The following PIK3CA variants were observed in gnomAD, a reference collection of about 807,000 sequenced individuals.
PIK3CA encodes the protein phosphatidylinositol-4,5-bisphosphate 3-kinase catalytic subunit alpha.
PIK3CA carries 27 observed loss-of-function variants against 138.2 expected under a neutral mutation model. The ratio of observed to expected loss-of-function variants is 0.20; its 90% confidence interval spans 0.14 to 0.27. The LOEUF is 0.27. Ranked by LOEUF, PIK3CA falls within the 10% of genes least tolerant of loss-of-function variation. The pLI is 1.00. For synonymous variants in PIK3CA, 358 were observed against 413.2 expected (o/e 0.87, Z 1.62); for missense variants, 544 against 1,277.4 (o/e 0.43, Z 8.75).
At chr3:179,214,371 T>C (rs774840992) in intron 9 of PIK3CA, among the ~76,000 whole-genome samples, 2 of 152,102 alleles carry the variant, frequency 1.3e-5, no homozygotes, top group Non-Finnish European at 2.9e-5. Context: ...CTAATTTCAA[T>C]ATTGTTGTGT....
At position 179,170,435 on chromosome 3, in the gene PIK3CA, A is replaced by G. The variant is rs182601399; in HGVS notation, c.-77+21832A>G. On this transcript the variant is annotated intron_variant, in intron 1 of 20. Transcript: ENST00000263967. ...GATATAGAAATACGTTTGTTCATAT[A>G]TGCTTTTTAACACAGATTTTTAATT... is the stretch of plus-strand genomic sequence containing the variant. 2.2e-4 allele frequency among the ~76,000 whole-genome samples: 34 copies of G among 152,346 alleles called. No homozygotes were observed. The East Asian group carries it at 4.6e-3, about 21-fold the overall frequency.
chr3:179,189,269 G>A (rs996674421), intron 1 of PIK3CA, among the ~76,000 whole-genome samples: 11 of 151,976 alleles, frequency 7.2e-5, no homozygotes, highest in African/African-American at 2.4e-4. Context: ...TCATTTTCAC[G>A]ATTAAATTCA....
intron 1 of PIK3CA, among the ~76,000 whole-genome samples, chr3:179,175,384 T>G (rs947768397): frequency 6.6e-6 from 1 of 152,222 alleles, no homozygotes; most frequent in Admixed American, 6.5e-5. Context: ...TTTTATTTAT[T>G]CTTTTTTCTC....
At position 179,221,248 on chromosome 3, in the gene PIK3CA, TGGAATCAAGCA is replaced by T; in HGVS notation, c.2187+93_2187+103del. 5.0e-6 allele frequency: 4 copies of T among 803,610 alleles called. No homozygotes were observed. The South Asian group carries it at 7.4e-5, about 15-fold the overall frequency. The allele number at this position is 803,610 out of a possible 1,614,324, so 49.8% of individuals were successfully genotyped here. ...CAGTGTATATACAGATCATGGTCCT[TGGAATCAAGCA>T]GATTAGGATTTGGAACCAAGTTCCA... is the stretch of plus-strand genomic sequence containing the variant. On this transcript the variant is annotated intron_variant, in intron 14 of 20. Coordinates refer to ENST00000263967, the MANE Select transcript of PIK3CA (RefSeq NM_006218.4).
intron 9 of PIK3CA, 37 bp downstream of exon 9, chr3:179,210,602 T>C (rs2108401883): frequency 1.3e-6 from 2 of 1,597,250 alleles, no homozygotes; most frequent in Admixed American, 1.7e-5. Context: ...GTATCAATTA[T>C]AATCTGTGGA....
At chr3:179,221,937 G>T (rs1421707992) in intron 14 of PIK3CA, among the ~76,000 whole-genome samples, 1 of 151,492 alleles carries the variant, frequency 6.6e-6, no homozygotes, top group Non-Finnish European at 1.5e-5. Context: ...CCAATTCCTG[G>T]GCTCAAGCAG....
intron 1 of PIK3CA, among the ~76,000 whole-genome samples, chr3:179,173,140 A>G (rs763809399): frequency 6.6e-6 from 1 of 151,960 alleles, no homozygotes; most frequent in Non-Finnish European, 1.5e-5. Flanking sequence ...TTTGCTTTGT[A>G]TATTATATGT....
chr3:179,193,167 A>G lies in PIK3CA; in HGVS notation c.-76-5583A>G, dbSNP rs114780660. ...GTTCAGGCCTTCTGAGAACCAAAAG[A>G]TTTTTAAGTACTTCCTTCCTAAATA... On this transcript the variant is annotated intron_variant, in intron 1 of 20. Coordinates refer to ENST00000263967, the MANE Select transcript of PIK3CA (RefSeq NM_006218.4). Among the ~76,000 whole-genome samples, 412 of 152,332 alleles carry G rather than the reference A, an allele frequency of 2.7e-3. 1 individual carries two copies. The highest frequency in any genetic ancestry group is 9.5e-3 in the African/African-American group (397 of 41,580).
intron 9 of PIK3CA, among the ~76,000 whole-genome samples, chr3:179,214,877 T>A (rs1183624785): frequency 6.6e-6 from 1 of 152,172 alleles, no homozygotes; most frequent in African/African-American, 2.4e-5. Flanking sequence ...TTGATCTAGT[T>A]GTCTAATCTT....
At chr3:179,194,992 GACAT>G (rs1724228706) in intron 1 of PIK3CA, among the ~76,000 whole-genome samples, 1 of 139,024 alleles carries the variant, frequency 7.2e-6, no homozygotes, top group East Asian at 2.1e-4. Context: ...CCTAGAGCCT[GACAT>G]TAAGCAGGTA....
intron 1 of PIK3CA, among the ~76,000 whole-genome samples, chr3:179,177,599 C>T (rs370232136): frequency 2.0e-5 from 3 of 152,068 alleles, no homozygotes; most frequent in African/African-American, 7.2e-5. Context: ...AGGCATGAGC[C>T]ACCACGCCCA....
chr3:179,207,142 AAGAT>A (rs1405788779), intron 6 of PIK3CA, among the ~76,000 whole-genome samples: 5 of 152,178 alleles, frequency 3.3e-5, no homozygotes, highest in African/African-American at 9.7e-5. Context: ...AGTTATTAAA[AAGAT>A]AGAAAAGTAG....
chr3:179,148,171 G>GT (rs1306972199), upstream of PIK3CA: 7 of 123,630 alleles, frequency 5.7e-5, no homozygotes, highest in African/African-American at 2.7e-4. Flanking sequence ...TGCCGGAGGA[G>GT]GGGGGGGGCC....
At chr3:179,212,044 G>T (rs946706416) in intron 9 of PIK3CA, among the ~76,000 whole-genome samples, 1 of 152,008 alleles carries the variant, frequency 6.6e-6, no homozygotes, top group South Asian at 2.1e-4. Context: ...TTTTGCTCTT[G>T]TTGCTCAGGC....
chr3:179,213,989 C>T (rs994250803), intron 9 of PIK3CA, among the ~76,000 whole-genome samples: 1 of 152,186 alleles, frequency 6.6e-6, no homozygotes, highest in Non-Finnish European at 1.5e-5. Flanking sequence ...GAAGCATCTT[C>T]GTCTCTCTCA....
intron 7 of PIK3CA, among the ~76,000 whole-genome samples, 196 bp from the exon 8 acceptor site, chr3:179,209,989 AT>A (rs959872239): frequency 2.4e-4 from 36 of 152,202 alleles, no homozygotes; most frequent in African/African-American, 8.2e-4. Flanking sequence ...CATATTTTCT[AT>A]TTATAATTAA....
chr3:179,159,360 A>G (rs997297378), intron 1 of PIK3CA, among the ~76,000 whole-genome samples: 1 of 152,232 alleles, frequency 6.6e-6, no homozygotes, highest in African/African-American at 2.4e-5. Context: ...TTATTTTTAA[A>G]TGACATCACG....
chr3:179,176,568 T>G (rs1723702514), intron 1 of PIK3CA, among the ~76,000 whole-genome samples: 1 of 152,050 alleles, frequency 6.6e-6, no homozygotes, highest in Non-Finnish European at 1.5e-5. Context: ...TCTACCCCTT[T>G]TTTATAAACT....
In PIK3CA at chr3:179,219,132, A is replaced by C; in HGVS notation, c.1665-64A>C. ...TTAAGAAGATTCATATGGAGAAGTTAGACATGTCAACCTTTTGAACAGCAT... is the reference window on the plus strand; with the variant it reads ...TTAAGAAGATTCATATGGAGAAGTTCGACATGTCAACCTTTTGAACAGCAT... On this transcript the variant is annotated intron_variant, in intron 10 of 20. Transcript: ENST00000263967. This position sits in a 1 kb window ranked among gnomAD's most constrained non-coding sequence, Gnocchi z 4.2. The C allele has an allele frequency of 1.1e-6, 1 of 928,970 alleles. No homozygotes were observed. Among genetic ancestry groups the C allele is most frequent in the East Asian group, 2.4e-5 (1 of 40,988 alleles). The allele number at this position is 928,970 out of a possible 1,614,324, so 57.5% of individuals were successfully genotyped here. A position where few individuals can be genotyped will look rare whatever the true frequency, so the allele number is the denominator to read the frequency against.
Sources: gnomAD v4.1 joint callset for allele counts (sites outside exome capture counted in the v4.1 genomes callset) on GRCh38, gnomAD v4.1.1 for gene constraint, Gnocchi (gnomAD v3.1) non-coding constraint, MANE v1.5 for transcripts, NCBI Gene and HGNC (gene_info 2026-07-23, HGNC 2026-07-21) for gene names.